Variants in MREG observed in about 807,000 individuals in gnomAD.
MREG encodes the protein dilute suppressor protein homolog.
In MREG, 31 loss-of-function variants were observed where a neutral mutation model predicts 28.5. The ratio of observed to expected loss-of-function variants is 1.09; its 90% CI spans 0.82 to 1.47. The LOEUF (loss-of-function observed/expected upper bound fraction) is 1.47, where lower values mean the gene tolerates loss of function less well. Among genes scored for constraint, MREG ranks in the 40% most tolerant of loss-of-function variants. The probability of loss-of-function intolerance (pLI) is 0.00; values close to 1 mark genes in which losing one functional copy is unlikely to be tolerated. For missense variants in MREG, 256 were observed against 257.4 expected (o/e 0.99, Z 0.04); for synonymous variants, 106 against 95.2 (o/e 1.11, Z -0.66).
downstream of MREG, among the ~76,000 whole-genome samples, chr2:215,941,878 T>C (rs1692201704): frequency 6.6e-6 from 1 of 152,234 alleles, no homozygotes; most frequent in Non-Finnish European, 1.5e-5. Flanking sequence ...ATTTGTCTTC[T>C]GATAGTGACT....
chr2:215,954,705 TA>T (rs1386171340), intron 2 of MREG, among the ~76,000 whole-genome samples: 1 of 150,092 alleles, frequency 6.7e-6, no homozygotes, highest in African/African-American at 2.5e-5. Flanking sequence ...TTCACTATTT[TA>T]TTTTTTTTTT....
At position 215,943,515 on chromosome 2, in the gene MREG, C is replaced by T; in HGVS notation, c.*1348G>A. 1 of 456,618 alleles carries T rather than the reference C, an allele frequency of 2.2e-6. No individual in the cohort carries two copies. The highest frequency in any genetic ancestry group is 1.5e-5 in the South Asian group (1 of 64,558). The allele number at this position is 456,618 out of a possible 1,614,324, so 28.3% of individuals were successfully genotyped here. ...AGGAGAGAAGAAAACAGAGGTCAAA[C>T]ACTTCAGTTTACAGATGCTATTCCA... On this transcript the variant is annotated 3_prime_UTR_variant, in exon 5 of 5. Coordinates refer to ENST00000263268, the MANE Select transcript of MREG (RefSeq NM_018000.3).
chr2:216,012,849 G>T (rs1002992973), intron 1 of MREG, among the ~76,000 whole-genome samples: 2 of 152,152 alleles, frequency 1.3e-5, no homozygotes, highest in Non-Finnish European at 2.9e-5. Flanking sequence ...GAGTGGCACA[G>T]AAATCCACAG....
At chr2:215,963,825 C>A (rs1194732769) in intron 2 of MREG, among the ~76,000 whole-genome samples, 1 of 152,018 alleles carries the variant, frequency 6.6e-6, no homozygotes, top group African/African-American at 2.4e-5. Flanking sequence ...TGCTTTCATA[C>A]CCATAATTCA....
upstream of MREG, among the ~76,000 whole-genome samples, chr2:216,014,676 T>C (rs1453777702): frequency 1.3e-5 from 2 of 151,924 alleles, no homozygotes; most frequent in Admixed American, 6.6e-5. Context: ...ATTAAAGATA[T>C]ATATATCTAT....
chr2:216,012,588 T>C (rs1206071596), intron 1 of MREG, among the ~76,000 whole-genome samples: 1 of 152,160 alleles, frequency 6.6e-6, no homozygotes, highest in Non-Finnish European at 1.5e-5. Flanking sequence ...AATGATTGCT[T>C]AAAATCACAG....
rs34941345 is a variant in MREG, at chr2:215,996,384, C to T, written c.177G>A (p.Val59=). The T allele has an allele frequency of 4.8e-4, 782 of 1,613,956 alleles. 4 individuals carry two copies. The African/African-American group carries it at 9.6e-3, about 20-fold the overall frequency. ...EKNLWSMPHD[V]SHTEADDDRT... Reference sequence around the variant, plus strand: ...TGTCGTCGTCTGCCTCTGTGTGGGACACATCATGGGGCATACTCCATAAAT... The same window carrying T: ...TGTCGTCGTCTGCCTCTGTGTGGGATACATCATGGGGCATACTCCATAAAT... The change falls in exon 2 of 5, where the codon GTG becomes GTA. Residue 59 remains valine, a synonymous_variant. Coordinates refer to ENST00000263268, the MANE Select transcript of MREG (RefSeq NM_018000.3).
rs76543473 is a variant in MREG at position 215,945,817 on chromosome 2, G to A, written c.347-83C>T. The A allele has an allele frequency of 2.3e-3, 2,753 of 1,206,326 alleles. 67 individuals are homozygous for A. The East Asian group carries it at 0.06, about 26-fold the overall frequency. 74.7% of individuals were successfully genotyped at this position (1,206,326 alleles called of 1,614,324 possible). On this transcript the variant is annotated intron_variant, in intron 3 of 4. Coordinates refer to ENST00000263268, the MANE Select transcript of MREG (RefSeq NM_018000.3). ...CAATACGGTCCCTGCAGGAGATTAC[G>A]AACAGACCCATGTGGATTCTGTACA...
chr2:215,987,158 G>C (rs1338887043), intron 2 of MREG, among the ~76,000 whole-genome samples: 2 of 152,042 alleles, frequency 1.3e-5, no homozygotes, highest in African/African-American at 2.4e-5. Flanking sequence ...AATATATTAA[G>C]TGGGAAAAAA....
chr2:215,965,185 G>A (rs1692906634), intron 2 of MREG, among the ~76,000 whole-genome samples: 1 of 152,230 alleles, frequency 6.6e-6, no homozygotes, highest in Admixed American at 6.5e-5. Flanking sequence ...CTATGTTTCA[G>A]ATGGCAACTC....
intron 2 of MREG, among the ~76,000 whole-genome samples, chr2:215,989,015 G>T (rs1404827671): frequency 6.6e-6 from 1 of 152,196 alleles, no homozygotes; most frequent in East Asian, 1.9e-4. Context: ...GAGAGCAGTG[G>T]ATCTCCCAGG....
intron 2 of MREG, among the ~76,000 whole-genome samples, chr2:215,967,887 A>C (rs1363552197): frequency 6.6e-6 from 1 of 152,120 alleles, no homozygotes; most frequent in Admixed American, 6.6e-5. Flanking sequence ...AAATCCACCC[A>C]TTTTACTCTC....
chr2:215,942,363 C>G (rs529567472), downstream of MREG, among the ~76,000 whole-genome samples: 6 of 152,322 alleles, frequency 3.9e-5, no homozygotes, highest in South Asian at 1.0e-3. Flanking sequence ...TCCTGCCGAG[C>G]ACACTGTGAC....
intron 2 of MREG, among the ~76,000 whole-genome samples, chr2:215,975,284 T>C (rs1461304537): frequency 6.6e-6 from 1 of 152,154 alleles, no homozygotes; most frequent in Non-Finnish European, 1.5e-5. Flanking sequence ...TAGCATTCAT[T>C]AGTGAAGCTA....
intron 2 of MREG, among the ~76,000 whole-genome samples, chr2:215,960,427 G>C (rs960679904): frequency 6.6e-6 from 1 of 152,228 alleles, no homozygotes; most frequent in Non-Finnish European, 1.5e-5. Context: ...TAAAAGCCAA[G>C]TTCTGGCTGT....
At chr2:216,018,397 C>T (rs878220), upstream of MREG, among the ~76,000 whole-genome samples, 20,864 of 152,084 alleles carry the variant, frequency 0.14, 1,743 homozygotes, top group South Asian at 0.22. Flanking sequence ...CCTTGCCATA[C>T]GACAACATCT....
At chr2:215,954,706 AT>A (rs776870197) in intron 2 of MREG, among the ~76,000 whole-genome samples, 281 of 144,506 alleles carry the variant, frequency 1.9e-3, no homozygotes, top group South Asian at 2.2e-3. Flanking sequence ...TCACTATTTT[AT>A]TTTTTTTTTT....
At chr2:215,948,519 C>A (rs1429171643) in intron 2 of MREG, among the ~76,000 whole-genome samples, 2 of 152,180 alleles carry the variant, frequency 1.3e-5, no homozygotes, top group African/African-American at 4.8e-5. Flanking sequence ...AAATATGCAA[C>A]CCTAGCCACA....
At chr2:215,977,841 A>G (rs1345757108) in intron 2 of MREG, among the ~76,000 whole-genome samples, 1 of 152,252 alleles carries the variant, frequency 6.6e-6, no homozygotes, top group Non-Finnish European at 1.5e-5. Flanking sequence ...ATGAGGACAA[A>G]GACACAAGGT....
Sources: allele counts gnomAD v4.1 joint callset (sites outside exome capture counted in the v4.1 genomes callset), GRCh38; gene constraint gnomAD v4.1.1; transcripts MANE v1.5; gene names NCBI Gene and HGNC (gene_info 2026-07-23, HGNC 2026-07-21).